Variants in PLSCR2 observed in about 807,000 individuals in gnomAD.
The protein encoded by PLSCR2 is phospholipid scramblase 2.
A neutral mutation model predicts 25.3 loss-of-function variants in PLSCR2; 18 were observed. The ratio of observed to expected loss-of-function variants is 0.71; its 90% CI spans 0.49 to 1.06. The LOEUF (loss-of-function observed/expected upper bound fraction) is 1.06. PLSCR2 is among the 50% of genes least tolerant of loss of function. The pLI is 0.00. For synonymous variants in PLSCR2, 88 were observed against 87.3 expected (o/e 1.01, Z -0.04); for missense variants, 243 against 269.5 (o/e 0.90, Z 0.69).
At position 146,419,455 on chromosome 3, in the gene PLSCR2, A is replaced by T. The variant is rs1238002405; in HGVS notation, c.101-23534T>A. On this transcript the variant is annotated intron_variant and NMD_transcript_variant, in intron 2 of 3. Coordinates refer to the PLSCR2 transcript ENST00000463633. ...CAAAGCCACTTATGTATTTTTAGGT[A>T]CTTGCTACAGCAAACAATGTCCCAC... 2.0e-5 allele frequency among the ~76,000 whole-genome samples: 3 copies of T among 152,096 alleles called. No individual in the cohort carries two copies. The East Asian group carries it at 5.8e-4, about 29-fold the overall frequency.
At chr3:146,450,638 T>G (rs1399905377) in intron 5 of PLSCR2, among the ~76,000 whole-genome samples, 2 of 152,246 alleles carry the variant, frequency 1.3e-5, no homozygotes, top group African/African-American at 4.8e-5. Flanking sequence ...ATCGTCTAGG[T>G]AGCCTCTGCT....
intron 1 of PLSCR2, among the ~76,000 whole-genome samples, chr3:146,477,247 C>T (rs1269177780): frequency 1.3e-5 from 2 of 152,168 alleles, no homozygotes; most frequent in Non-Finnish European, 2.9e-5. Context: ...ACAATGGGTG[C>T]AGCCCACGGA....
At chr3:146,458,734 C>T (rs1397655616) in intron 2 of PLSCR2, among the ~76,000 whole-genome samples, 4 of 151,790 alleles carry the variant, frequency 2.6e-5, no homozygotes, top group Non-Finnish European at 2.9e-5. Flanking sequence ...AATGTTCTTC[C>T]TAAATGAGGC....
intron 2 of PLSCR2, among the ~76,000 whole-genome samples, chr3:146,408,525 T>A (rs1035838399): frequency 2.6e-5 from 4 of 152,174 alleles, no homozygotes; most frequent in Non-Finnish European, 2.9e-5. Context: ...CTGTTTTTTT[T>A]AAGAAAACTT....
chr3:146,443,719 G>C (rs891738490), intron 6 of PLSCR2, among the ~76,000 whole-genome samples: 1 of 151,512 alleles, frequency 6.6e-6, no homozygotes, highest in East Asian at 1.9e-4. Context: ...ATTTTTACTT[G>C]TTGATCTTTT....
intron 1 of PLSCR2, among the ~76,000 whole-genome samples, chr3:146,467,101 AGAGT>A (rs1474912773): frequency 6.6e-6 from 1 of 152,226 alleles, no homozygotes; most frequent in Non-Finnish European, 1.5e-5. Flanking sequence ...GCAGTGCTAT[AGAGT>A]GTGTGTACAG....
At chr3:146,412,441 A>G (rs1365923616) in intron 2 of PLSCR2, among the ~76,000 whole-genome samples, 1 of 152,156 alleles carries the variant, frequency 6.6e-6, no homozygotes, top group East Asian at 1.9e-4. Context: ...ACTAAGCACC[A>G]TTTGGATGTC....
chr3:146,422,651 C>G (rs138412895), intron 2 of PLSCR2, among the ~76,000 whole-genome samples: 290 of 152,144 alleles, frequency 1.9e-3, no homozygotes, highest in African/African-American at 6.6e-3. Flanking sequence ...CTGACTTGAG[C>G]CAACAAGGGA....
At chr3:146,431,521 G>A (rs1054666312), downstream of PLSCR2, among the ~76,000 whole-genome samples, 5 of 152,266 alleles carry the variant, frequency 3.3e-5, no homozygotes, top group Admixed American at 1.3e-4. Flanking sequence ...TTGAGTTGGA[G>A]TGTGCCTGCT....
At chr3:146,473,558 G>A (rs191676256) in intron 1 of PLSCR2, among the ~76,000 whole-genome samples, 107 of 152,116 alleles carry the variant, frequency 7.0e-4, no homozygotes, top group African/African-American at 2.2e-3. Context: ...CACCCACCTC[G>A]ACCTCCCAAA....
intron 5 of PLSCR2, among the ~76,000 whole-genome samples, chr3:146,449,595 T>C (rs1449672148): frequency 2.6e-5 from 4 of 151,924 alleles, no homozygotes; most frequent in Non-Finnish European, 5.9e-5. Context: ...TTTACGAAAT[T>C]TTTAACATTT....
chr3:146,469,513 C>T (rs1266763308), intron 1 of PLSCR2: 3 of 985,204 alleles, frequency 3.0e-6, no homozygotes, highest in East Asian at 2.3e-4. Flanking sequence ...GCAGCTGCTC[C>T]CGCACAGCCC....
chr3:146,457,409 G>A (rs1339606031), intron 3 of PLSCR2, among the ~76,000 whole-genome samples: 3 of 152,148 alleles, frequency 2.0e-5, no homozygotes, highest in African/African-American at 7.2e-5. Flanking sequence ...CTTGCACCTA[G>A]GAAGCACTGG....
chr3:146,459,898 C>G lies in PLSCR2; in HGVS notation c.7G>C (p.Ala3Pro), dbSNP rs2041463877. ...GGACAGTTTAATGGTGGTGGTGGTG[C>G]TGGCATCCATGGTACCCCTTCAGGT... Residue 3 changes from alanine (A) to proline (P), a missense_variant, in exon 2 of 7, where the codon GCA becomes CCA. Transcript: ENST00000610787. 1 of 1,613,424 alleles carries G rather than the reference C, an allele frequency of 6.2e-7. No individual in the cohort carries two copies. The highest frequency in any genetic ancestry group is 1.1e-5 in the South Asian group (1 of 91,054).
intron 6 of PLSCR2, among the ~76,000 whole-genome samples, chr3:146,445,964 T>A (rs1016168432): frequency 1.3e-5 from 2 of 152,220 alleles, no homozygotes; most frequent in African/African-American, 4.8e-5. Context: ...ATCAATTGCA[T>A]TATTCAACTC....
At chr3:146,456,739 A>T (rs529030710) in intron 3 of PLSCR2, among the ~76,000 whole-genome samples, 3 of 152,298 alleles carry the variant, frequency 2.0e-5, no homozygotes, top group East Asian at 3.9e-4. Flanking sequence ...AAACTGAGTA[A>T]TCATCTTTTT....
At chr3:146,451,171 A>G (rs1028786480) in intron 5 of PLSCR2, among the ~76,000 whole-genome samples, 8 of 141,002 alleles carry the variant, frequency 5.7e-5, no homozygotes, top group African/African-American at 2.7e-5. Context: ...CTGGAGTGCA[A>G]CGGCGCGATC....
chr3:146,408,715 C>T (rs988953947), intron 2 of PLSCR2, among the ~76,000 whole-genome samples: 16 of 152,182 alleles, frequency 1.1e-4, no homozygotes, highest in African/African-American at 3.4e-4. Flanking sequence ...ATCCGATAAG[C>T]CTCCTGGAGG....
exon 2 of PLSCR2, chr3:146,459,852 C>A: frequency 6.3e-7 from 1 of 1,597,842 alleles, no homozygotes; most frequent in Admixed American, 1.7e-5. Context: ...AATTACCTGA[C>A]TTAAGTATTC....
Sources: gnomAD v4.1 joint callset for allele counts (sites outside exome capture counted in the v4.1 genomes callset) on GRCh38, gnomAD v4.1.1 for gene constraint, MANE v1.5 for transcripts, NCBI Gene and HGNC (gene_info 2026-07-23, HGNC 2026-07-21) for gene names.